Variants in GNA14 observed in about 807,000 individuals in gnomAD.
GNA14 encodes the protein guanine nucleotide-binding protein subunit alpha-14.
In GNA14, 50 loss-of-function variants were observed where a neutral mutation model predicts 42.0. The observed-to-expected ratio is 1.19, with a 90% CI of 0.95 to 1.51. The LOEUF is 1.51. GNA14 is among the 40% of genes most tolerant of loss of function. The pLI is 0.00. For missense variants in GNA14, 473 were observed against 446.2 expected (o/e 1.06, Z -0.54); for synonymous variants, 173 against 163.1 (o/e 1.06, Z -0.46).
intron 1 of GNA14, among the ~76,000 whole-genome samples, chr9:77,641,242 T>C (rs889639882): frequency 2.7e-5 from 4 of 147,468 alleles, no homozygotes; most frequent in African/African-American, 7.5e-5. Context: ...AGTGCTGGAG[T>C]TGGAAAATCA....
At chr9:77,520,126 G>T (rs1837330764) in intron 2 of GNA14, among the ~76,000 whole-genome samples, 1 of 151,998 alleles carries the variant, frequency 6.6e-6, no homozygotes, top group Non-Finnish European at 1.5e-5. Flanking sequence ...TAATACAGAG[G>T]GGATGCTTTC....
intron 2 of GNA14, among the ~76,000 whole-genome samples, chr9:77,461,609 C>T (rs1026901564): frequency 1.3e-5 from 2 of 152,066 alleles, no homozygotes; most frequent in African/African-American, 4.8e-5. Flanking sequence ...TACCATGATC[C>T]TATATCATAA....
intron 2 of GNA14, among the ~76,000 whole-genome samples, chr9:77,480,116 C>G (rs1478676826): frequency 6.6e-6 from 1 of 151,994 alleles, no homozygotes; most frequent in Admixed American, 6.6e-5. Context: ...AGAGGGCATC[C>G]CTGTCTTGTG....
intron 2 of GNA14, among the ~76,000 whole-genome samples, chr9:77,462,098 G>A (rs1234680930): frequency 1.3e-5 from 2 of 152,116 alleles, no homozygotes; most frequent in Admixed American, 6.5e-5. Flanking sequence ...AGGTACGAAC[G>A]TGAGCTCAGC....
intron 2 of GNA14, among the ~76,000 whole-genome samples, chr9:77,505,741 C>G (rs1191154333): frequency 2.0e-5 from 3 of 152,172 alleles, no homozygotes; most frequent in African/African-American, 7.2e-5. Context: ...TGTAGCAAGG[C>G]ACCATCATTT....
chr9:77,587,649 G>A (rs79215216), intron 1 of GNA14, among the ~76,000 whole-genome samples: 2,011 of 152,262 alleles, frequency 0.013, 43 homozygotes, highest in African/African-American at 0.046. Flanking sequence ...GATGGGGAGC[G>A]AATGCCTAGT....
chr9:77,508,244 G>T (rs1021812499), intron 2 of GNA14, among the ~76,000 whole-genome samples: 8 of 152,058 alleles, frequency 5.3e-5, no homozygotes, highest in African/African-American at 1.9e-4. Flanking sequence ...GCTAAGTGTC[G>T]GAAAAAGTAA....
chr9:77,519,587 G>C (rs1837318157), intron 2 of GNA14, among the ~76,000 whole-genome samples: 1 of 152,054 alleles, frequency 6.6e-6, no homozygotes, highest in African/African-American at 2.4e-5. Context: ...TTATAAGTGG[G>C]AGCTAAACAA....
chr9:77,445,819 T>C (rs574389900), intron 2 of GNA14, among the ~76,000 whole-genome samples: 12 of 152,306 alleles, frequency 7.9e-5, no homozygotes, highest in Admixed American at 4.6e-4. Flanking sequence ...TGTGGGAAGA[T>C]AGAGTTTTCT....
intron 1 of GNA14, among the ~76,000 whole-genome samples, chr9:77,594,820 G>A (rs1175040690): frequency 1.3e-5 from 2 of 152,162 alleles, no homozygotes; most frequent in African/African-American, 4.8e-5. Context: ...GGCCTTCTCC[G>A]TGTGCATGGG....
At chr9:77,571,396 G>A (rs757730649) in intron 1 of GNA14, among the ~76,000 whole-genome samples, 11 of 152,036 alleles carry the variant, frequency 7.2e-5, no homozygotes, top group Middle Eastern at 3.4e-3. Flanking sequence ...TGTAGTGTAT[G>A]GAAGAATATC....
intron 1 of GNA14, among the ~76,000 whole-genome samples, chr9:77,614,600 T>C (rs1481515582): frequency 6.6e-6 from 1 of 152,024 alleles, no homozygotes; most frequent in Admixed American, 6.5e-5. Context: ...CTCAAAATAT[T>C]CTCTTTATCC....
chr9:77,501,295 G>A (rs2131743330), intron 2 of GNA14, among the ~76,000 whole-genome samples: 1 of 152,266 alleles, frequency 6.6e-6, no homozygotes, highest in South Asian at 2.1e-4. Context: ...CTCCCAGAGT[G>A]GCTGTACCAT....
intron 1 of GNA14, among the ~76,000 whole-genome samples, chr9:77,540,421 G>A (rs1837645206): frequency 6.6e-6 from 1 of 152,076 alleles, no homozygotes; most frequent in African/African-American, 2.4e-5. Context: ...TGTTCCATGT[G>A]CTGATAAGAA....
At chr9:77,534,023 GTGAT>G (rs1432693465) in intron 1 of GNA14, among the ~76,000 whole-genome samples, 1 of 152,174 alleles carries the variant, frequency 6.6e-6, no homozygotes, top group Non-Finnish European at 1.5e-5. Flanking sequence ...TGTCACCTGT[GTGAT>G]TATTTAATAT....
At chr9:77,612,335 C>A (rs1233259567) in intron 1 of GNA14, among the ~76,000 whole-genome samples, 2 of 152,120 alleles carry the variant, frequency 1.3e-5, no homozygotes, top group African/African-American at 2.4e-5. Context: ...CAAGGTGCCA[C>A]AGGCATGGGA....
intron 2 of GNA14, among the ~76,000 whole-genome samples, chr9:77,474,564 G>A (rs1016663405): frequency 3.9e-5 from 6 of 152,182 alleles, no homozygotes; most frequent in African/African-American, 1.4e-4. Context: ...ATAAAATCAT[G>A]TGGCCACTTT....
At position 77,424,020 on chromosome 9, in the gene GNA14, T is replaced by A; in HGVS notation, c.1027A>T (p.Thr343Ser). 2 of 1,609,684 alleles carry A rather than the reference T, an allele frequency of 1.2e-6. No individual in the cohort carries two copies. Among genetic ancestry groups the A allele is most frequent in the Non-Finnish European group, 1.7e-6 (2 of 1,177,710 alleles). ...TCCCTTAGGTTTAGCTGTAGAATTG[T>A]GTCTTTGACAGCAGCAAACACAAAG... ...IRFVFAAVKD[T>S]ILQLNLREFN... Residue 343 changes from threonine (T) to serine (S), a missense_variant, in exon 7 of 7, where the codon ACA (threonine) becomes TCA (serine). Transcript: ENST00000341700.
chr9:77,445,004 GT>G (rs762630960), intron 2 of GNA14, among the ~76,000 whole-genome samples: 1 of 152,184 alleles, frequency 6.6e-6, no homozygotes, highest in Non-Finnish European at 1.5e-5. Flanking sequence ...ATCCTTTTGA[GT>G]AGGAATGACA....
Sources: allele counts gnomAD v4.1 joint callset (sites outside exome capture counted in the v4.1 genomes callset), GRCh38; gene constraint gnomAD v4.1.1; transcripts MANE v1.5; gene names NCBI Gene and HGNC (gene_info 2026-07-23, HGNC 2026-07-21).